Variants in CCND2 observed in about 807,000 individuals in gnomAD.
CCND2 encodes G1/S-specific cyclin-D2.
In CCND2, 6 loss-of-function variants were observed where a neutral mutation model predicts 30.2. The ratio of observed to expected loss-of-function variants is 0.20; its 90% CI spans 0.11 to 0.39. The LOEUF (loss-of-function observed/expected upper bound fraction) is 0.39. CCND2 is among the 10% of genes least tolerant of loss of function. The pLI is 1.00. For synonymous variants in CCND2, 150 were observed against 153.1 expected (o/e 0.98, Z 0.15); for missense variants, 235 against 373.4 (o/e 0.63, Z 3.06).
chr12:4,305,182 A>G lies in CCND2; in HGVS notation c.*5173A>G, dbSNP rs1455549223. The stretch of plus-strand genomic sequence containing the variant: ...GTATGGCAAAAATGTTGTATTGGCT[A>G]TGATGGTGACATGATATAGTCAGCT... On this transcript the variant is annotated 3_prime_UTR_variant, in exon 5 of 5. Transcript: ENST00000261254. The surrounding 1 kb of genome is among the most constrained non-coding windows in gnomAD (Gnocchi z 6.4). 7 of 233,350 alleles carry G rather than the reference A, an allele frequency of 3.0e-5. No individual in the cohort carries two copies. In the Admixed American group the frequency reaches 3.4e-4, roughly 11 times the overall value. The allele number at this position is 233,350 out of a possible 1,614,324, so 14.5% of individuals were successfully genotyped here. A position where few individuals can be genotyped will look rare whatever the true frequency, so the allele number is the denominator to read the frequency against.
At position 4,274,301 on chromosome 12, in the gene CCND2, G is replaced by A. The variant is rs1863830555; in HGVS notation, c.195+66G>A. The stretch of plus-strand genomic sequence containing the variant: ...CCGGATGCTCGGGTCCCCGGCCGGA[G>A]CCCTAAACCTGGGAGAGGGCAATCC... On this transcript the variant is annotated intron_variant, in intron 1 of 4. Transcript: ENST00000261254. The surrounding 1 kb of genome is among the most constrained non-coding windows in gnomAD (Gnocchi z 7.7). 6.4e-7 allele frequency: 1 copy of A among 1,553,422 alleles called. No homozygotes were observed. The highest frequency in any genetic ancestry group is 8.8e-7 in the Non-Finnish European group (1 of 1,135,336).
chr12:4,295,392 G>T (rs1186755905), intron 4 of CCND2, among the ~76,000 whole-genome samples: 1 of 152,226 alleles, frequency 6.6e-6, no homozygotes, highest in African/African-American at 2.4e-5. Flanking sequence ...AAGTCTAGAA[G>T]AGGGTGGGGA....
In CCND2 at chr12:4,282,104, A is replaced by T. The variant is rs796779756; in HGVS notation, c.571+3185A>T. 5.3e-5 allele frequency among the ~76,000 whole-genome samples: 8 copies of T among 152,302 alleles called. No individual in the cohort carries two copies. Among genetic ancestry groups the T allele is most frequent in the African/African-American group, 1.9e-4 (8 of 41,560 alleles). On this transcript the variant is annotated intron_variant, in intron 3 of 4. Transcript: ENST00000261254. This position sits in a 1 kb window ranked among gnomAD's most constrained non-coding sequence, Gnocchi z 4.3. ...GGTCTGCAAGCGAGGAAAGAAGGCCATTGGAGATGACCTGGGTTCGCACTC... is the reference window on the plus strand; with the variant it reads ...GGTCTGCAAGCGAGGAAAGAAGGCCTTTGGAGATGACCTGGGTTCGCACTC...
At position 4,285,920 on chromosome 12, in the gene CCND2, G is replaced by C. The variant is rs2120552300; in HGVS notation, c.572-2922G>C. On this transcript the variant is annotated intron_variant, in intron 3 of 4. Coordinates refer to ENST00000261254, the MANE Select transcript of CCND2 (RefSeq NM_001759.4). This position sits in a 1 kb window ranked among gnomAD's most constrained non-coding sequence, Gnocchi z 4.1. ...GTGGAGAGGGCTGCTTTGTGAATTT[G>C]CCGGCTGGTAGACACCGTGATCCAT... Among the ~76,000 whole-genome samples the C allele has an allele frequency of 6.6e-6, 1 of 152,280 alleles. No homozygotes were observed. Among genetic ancestry groups the C allele is most frequent in the East Asian group, 1.9e-4 (1 of 5,188 alleles).
chr12:4,295,294 A>G (rs1237551484), intron 4 of CCND2, among the ~76,000 whole-genome samples: 1 of 152,164 alleles, frequency 6.6e-6, no homozygotes, highest in Non-Finnish European at 1.5e-5. Flanking sequence ...AGTCAAGCTG[A>G]TCATTGTCAA....
chr12:4,293,768 C>T lies in CCND2; in HGVS notation c.720+4778C>T, dbSNP rs1280150058. On this transcript the variant is annotated intron_variant, in intron 4 of 4. Coordinates refer to ENST00000261254, the MANE Select transcript of CCND2 (RefSeq NM_001759.4). This position sits in a 1 kb window ranked among gnomAD's most constrained non-coding sequence, Gnocchi z 4.9. Reference sequence around the variant, plus strand: ...GTTTCTGCTCCGTAGCTGGAAGTGCCGCCACCCTCGCCCCACATGTCATTT... The same window carrying T: ...GTTTCTGCTCCGTAGCTGGAAGTGCTGCCACCCTCGCCCCACATGTCATTT... 2.6e-5 allele frequency among the ~76,000 whole-genome samples: 4 copies of T among 152,068 alleles called. No homozygotes were observed. The highest frequency in any genetic ancestry group is 5.9e-5 in the Non-Finnish European group (4 of 67,972).
At position 4,278,745 on chromosome 12, in the gene CCND2, T is replaced by G. The variant is rs1172133635; in HGVS notation, c.412-15T>G. ...AATTTAGATTCTCCTCTTCTCTTCC[T>G]GCCTTCCCCTCCAGGAGTGGGAACT... On this transcript the variant is annotated splice_polypyrimidine_tract_variant and intron_variant, in intron 2 of 4. Transcript: ENST00000261254. 6.2e-7 allele frequency: 1 copy of G among 1,613,524 alleles called. No individual in the cohort carries two copies. Among genetic ancestry groups the G allele is most frequent in the East Asian group, 2.2e-5 (1 of 44,878 alleles).
At chr12:4,280,423 G>A (rs773988217) in intron 3 of CCND2, among the ~76,000 whole-genome samples, 5 of 152,180 alleles carry the variant, frequency 3.3e-5, no homozygotes, top group African/African-American at 9.7e-5. Context: ...GTTTTCTGTA[G>A]TCCTGTTCTC....
In CCND2 at chr12:4,275,959, A is replaced by G. The variant is rs768631279; in HGVS notation, c.196-46A>G. The G allele has an allele frequency of 1.6e-5, 18 of 1,133,084 alleles. No homozygotes were observed. In the East Asian group the frequency reaches 3.5e-4, roughly 22 times the overall value. The allele number at this position is 1,133,084 out of a possible 1,614,324, so 70.2% of individuals were successfully genotyped here. On this transcript the variant is annotated intron_variant, in intron 1 of 4. Transcript: ENST00000261254. ...ATTCTTTTTCTCTTTTGCTGATGCT[A>G]TGCTCTCCACCCCCGCCCCCCAACC...
chr12:4,277,505 T>A (rs1238498714), intron 2 of CCND2, among the ~76,000 whole-genome samples: 2 of 152,252 alleles, frequency 1.3e-5, no homozygotes, highest in Non-Finnish European at 2.9e-5. Flanking sequence ...ATCATCTTCA[T>A]ATGGTTCATT....
At chr12:4,295,101 A>G (rs1208292398) in intron 4 of CCND2, among the ~76,000 whole-genome samples, 1 of 152,242 alleles carries the variant, frequency 6.6e-6, no homozygotes, top group Admixed American at 6.5e-5. Flanking sequence ...TCCCAAGTCC[A>G]AAAAGGGCCC....
rs978357717 is a variant in CCND2 at position 4,300,077 on chromosome 12, T to C, written c.*68T>C. 92 of 1,479,074 alleles carry C rather than the reference T, an allele frequency of 6.2e-5. No individual in the cohort carries two copies. The highest frequency in any genetic ancestry group is 8.1e-5 in the Non-Finnish European group (89 of 1,102,714). The allele number at this position is 1,479,074 out of a possible 1,614,324, so 91.6% of individuals were successfully genotyped here. On this transcript the variant is annotated 3_prime_UTR_variant, in exon 5 of 5. Transcript: ENST00000261254. ...GGTCTCTTCTTCTTTCTGGTTGTTT[T>C]TGTTCTTTGTGTTTTAGGGTGAAAC...
chr12:4,276,580 A>T lies in CCND2; in HGVS notation c.411+360A>T, dbSNP rs916042039. Reference sequence around the variant, plus strand: ...TTTAATTAAATTCCAAATTTCCAAAAATAGTCTGAGAACGTGTTCACATGA... The same window carrying T: ...TTTAATTAAATTCCAAATTTCCAAATATAGTCTGAGAACGTGTTCACATGA... On this transcript the variant is annotated intron_variant, in intron 2 of 4. Coordinates refer to ENST00000261254, the MANE Select transcript of CCND2 (RefSeq NM_001759.4). The surrounding 1 kb of genome is among the most constrained non-coding windows in gnomAD (Gnocchi z 4.8). Among the ~76,000 whole-genome samples the T allele has an allele frequency of 1.3e-5, 2 of 152,208 alleles. No homozygotes were observed. Among genetic ancestry groups the T allele is most frequent in the African/African-American group, 4.8e-5 (2 of 41,458 alleles).
At chr12:4,289,105 A>G (rs1760517822) in intron 4 of CCND2, 115 bp downstream of exon 4, 1 of 1,037,340 alleles carries the variant, frequency 9.6e-7, no homozygotes, top group South Asian at 1.7e-5. Context: ...GTTTCCTAAG[A>G]TCGACATCCA....
chr12:4,291,157 T>G (rs2120567599), intron 4 of CCND2, among the ~76,000 whole-genome samples: 1 of 150,228 alleles, frequency 6.7e-6, no homozygotes, highest in East Asian at 2.0e-4. Flanking sequence ...GCTGGTTCGC[T>G]CTCCCTGAAA....
rs751723166 is a variant in CCND2 at position 4,276,178 on chromosome 12, G to T, written c.369G>T (p.Leu123=). The change falls in exon 2 of 5, where the codon CTG becomes CTT. Residue 123 remains leucine (L), a synonymous_variant. Coordinates refer to ENST00000261254, the MANE Select transcript of CCND2 (RefSeq NM_001759.4). The surrounding 1 kb of genome is among the most constrained non-coding windows in gnomAD (Gnocchi z 4.8). ...CCAGCCCGCTGACCGCGGAGAAGCT[G>T]TGCATTTACACCGACAACTCCATCA... ...KETSPLTAEK[L]CIYTDNSIKP... is the part of the protein sequence containing the mutation. 1.2e-6 allele frequency: 2 copies of T among 1,614,216 alleles called. No homozygotes were observed. The highest frequency in any genetic ancestry group is 2.2e-5 in the South Asian group (2 of 91,084).
rs567890322 is a variant in CCND2 at position 4,305,137 on chromosome 12, T to C, written c.*5128T>C. On this transcript the variant is annotated 3_prime_UTR_variant, in exon 5 of 5. Coordinates refer to ENST00000261254, the MANE Select transcript of CCND2 (RefSeq NM_001759.4). This position sits in a 1 kb window ranked among gnomAD's most constrained non-coding sequence, Gnocchi z 6.4. Reference sequence around the variant, plus strand: ...GCTGATAAGTAGCATGATCAGTGTATGCGAAAAGGTTTTTAGGAAGTATGG... The same window carrying C: ...GCTGATAAGTAGCATGATCAGTGTACGCGAAAAGGTTTTTAGGAAGTATGG... 8.6e-6 allele frequency: 2 copies of C among 233,638 alleles called. No individual in the cohort carries two copies. Among genetic ancestry groups the C allele is most frequent in the South Asian group, 1.8e-4 (1 of 5,536 alleles). 14.5% of individuals were successfully genotyped at this position (233,638 alleles called of 1,614,324 possible).
rs537085347 is a variant in CCND2, at chr12:4,299,564, G to T, written c.721-296G>T. ...CCATCATTTAGGCCAGTGCTTCTCA[G>T]AATGCCAATCACCTGGGCTCCACTA... On this transcript the variant is annotated intron_variant, in intron 4 of 4. Transcript: ENST00000261254. This position sits in a 1 kb window ranked among gnomAD's most constrained non-coding sequence, Gnocchi z 5.2. 6.6e-6 allele frequency among the ~76,000 whole-genome samples: 1 copy of T among 152,264 alleles called. No homozygotes were observed. Among genetic ancestry groups the T allele is most frequent in the Non-Finnish European group, 1.5e-5 (1 of 68,022 alleles).
chr12:4,274,212 A>G lies in CCND2; in HGVS notation c.172A>G (p.Met58Val). ...QKDIQPYMRR[M>V]VATWMLEVCE... ...GGACATCCAACCCTACATGCGCAGA[A>G]TGGTGGCCACCTGGATGCTGGAGGT... is the stretch of plus-strand genomic sequence containing the variant. The change falls in exon 1 of 5, where the codon ATG (methionine) becomes GTG (valine). Residue 58 changes from methionine to valine, a missense_variant. This residue lies in a region of CCND2 where 178 missense variants were observed against 322.8 expected (regional missense o/e 0.55). Coordinates refer to ENST00000261254, the MANE Select transcript of CCND2 (RefSeq NM_001759.4). The surrounding 1 kb of genome is among the most constrained non-coding windows in gnomAD (Gnocchi z 7.7). 1.2e-6 allele frequency: 2 copies of G among 1,613,954 alleles called. No homozygotes were observed. The highest frequency in any genetic ancestry group is 8.5e-7 in the Non-Finnish European group (1 of 1,179,880).
Sources: gnomAD v4.1 joint callset for allele counts (sites outside exome capture counted in the v4.1 genomes callset) on GRCh38, gnomAD v4.1.1 for gene constraint, gnomAD v4.1.1 regional missense constraint, Gnocchi (gnomAD v3.1) non-coding constraint, MANE v1.5 for transcripts, NCBI Gene and HGNC (gene_info 2026-07-23, HGNC 2026-07-21) for gene names.